The following ZNRF3 variants were observed in gnomAD, a reference collection of about 807,000 sequenced individuals.
ZNRF3 encodes E3 ubiquitin-protein ligase ZNRF3.
Under a neutral mutation model 72.5 loss-of-function variants are expected in ZNRF3, and 23 were observed. The ratio of observed to expected loss-of-function variants is 0.32; its 90% CI spans 0.23 to 0.45. The LOEUF (loss-of-function observed/expected upper bound fraction) is 0.45. Among genes scored for constraint, ZNRF3 ranks in the 20% least tolerant of loss-of-function variants. The probability of loss-of-function intolerance (pLI) is 1.00; values close to 1 mark genes in which losing one functional copy is unlikely to be tolerated. For synonymous variants in ZNRF3, 610 were observed against 545.3 expected (o/e 1.12, Z -1.65); for missense variants, 1,169 against 1,272.1 (o/e 0.92, Z 1.23).
At chr22:28,937,215 A>ATATATATTTTTT (rs1384534826) in intron 1 of ZNRF3, among the ~76,000 whole-genome samples, 2 of 8,852 alleles carry the variant, frequency 2.3e-4, no homozygotes, top group African/African-American at 5.3e-4. Context: ...ATATATATAT[A>ATATATATTTTTT]TTTTTTTTTT....
chr22:28,995,656 G>A (rs999620804), intron 2 of ZNRF3, among the ~76,000 whole-genome samples: 7 of 152,116 alleles, frequency 4.6e-5, no homozygotes, highest in African/African-American at 1.7e-4. Flanking sequence ...TCTGATGAAA[G>A]TCAAAGCTCG....
intron 1 of ZNRF3, among the ~76,000 whole-genome samples, chr22:28,901,750 C>T (rs966835155): frequency 6.8e-6 from 1 of 146,730 alleles, no homozygotes; most frequent in South Asian, 2.1e-4. Context: ...AAGCGATTCT[C>T]CTGCTTCAGT....
At chr22:29,004,767 G>A (rs891383595) in intron 2 of ZNRF3, among the ~76,000 whole-genome samples, 1 of 152,196 alleles carries the variant, frequency 6.6e-6, no homozygotes, top group Non-Finnish European at 1.5e-5. Context: ...TGCAGTGGCG[G>A]CTCCTTTGAT....
rs2037315171 is a variant in ZNRF3, at chr22:29,057,186, G to A, written c.*3564G>A. The A allele has an allele frequency of 6.6e-6, 1 of 152,138 alleles. No individual in the cohort carries two copies. The highest frequency in any genetic ancestry group is 1.5e-5 in the Non-Finnish European group (1 of 68,020). The allele number at this position is 152,138 out of a possible 1,614,324, so 9.4% of individuals were successfully genotyped here. On this transcript the variant is annotated 3_prime_UTR_variant, in exon 9 of 9. Coordinates refer to ENST00000544604, the MANE Select transcript of ZNRF3 (RefSeq NM_001206998.2). Reference sequence around the variant, plus strand: ...TTAAAAAATGTTTTAAAAGCTAGAAGACAACTTATGTATATTCTGTATATG... The same window carrying A: ...TTAAAAAATGTTTTAAAAGCTAGAAAACAACTTATGTATATTCTGTATATG...
intron 1 of ZNRF3, among the ~76,000 whole-genome samples, chr22:28,980,311 G>A (rs2035743504): frequency 6.6e-6 from 1 of 152,142 alleles, no homozygotes; most frequent in Non-Finnish European, 1.5e-5. Flanking sequence ...TAAAAGCCCA[G>A]ATTTCCCCAC....
chr22:28,981,382 A>T (rs896671995), intron 1 of ZNRF3, among the ~76,000 whole-genome samples: 1 of 152,170 alleles, frequency 6.6e-6, no homozygotes, highest in African/African-American at 2.4e-5. Flanking sequence ...ATTGAGATGC[A>T]GTCTTGCTAT....
At chr22:28,994,673 C>A (rs2036018911) in intron 2 of ZNRF3, among the ~76,000 whole-genome samples, 1 of 151,978 alleles carries the variant, frequency 6.6e-6, no homozygotes, top group South Asian at 2.1e-4. Context: ...TGGATGACAG[C>A]GTGAATATGC....
chr22:28,972,716 C>T (rs971604093), intron 1 of ZNRF3, among the ~76,000 whole-genome samples: 4 of 152,340 alleles, frequency 2.6e-5, no homozygotes, highest in East Asian at 1.9e-4. Flanking sequence ...CTCCATTCTG[C>T]GTTGCCATCA....
chr22:29,005,867 C>A (rs1265511641), intron 2 of ZNRF3, among the ~76,000 whole-genome samples: 2 of 152,076 alleles, frequency 1.3e-5, no homozygotes, highest in Non-Finnish European at 2.9e-5. Context: ...GAAACCCCGT[C>A]TCTACTAACA....
Position 29,056,090 on chromosome 22 carries a change from A to G in ZNRF3, c.*2468A>G, listed in dbSNP as rs185247029. ...ATGCAATTTTAAAACCTTAAATACCAAATACCAACCATTGCCTTTTTTTTT... is the reference window on the plus strand; with the variant it reads ...ATGCAATTTTAAAACCTTAAATACCGAATACCAACCATTGCCTTTTTTTTT... On this transcript the variant is annotated 3_prime_UTR_variant, in exon 9 of 9. Coordinates refer to ENST00000544604, the MANE Select transcript of ZNRF3 (RefSeq NM_001206998.2). The G allele has an allele frequency of 4.1e-5, 6 of 145,182 alleles. No homozygotes were observed. The highest frequency in any genetic ancestry group is 1.6e-4 in the African/African-American group (6 of 38,198). 9.0% of individuals were successfully genotyped at this position (145,182 alleles called of 1,614,324 possible). A position where few individuals can be genotyped will look rare whatever the true frequency, so the allele number is the denominator to read the frequency against.
intron 1 of ZNRF3, among the ~76,000 whole-genome samples, chr22:28,933,175 A>C (rs1400328163): frequency 6.6e-6 from 1 of 152,162 alleles, no homozygotes; most frequent in Non-Finnish European, 1.5e-5. Flanking sequence ...CATTCTTCTC[A>C]ATTATATCCC....
Position 29,049,909 on chromosome 22 carries a change from C to A in ZNRF3, c.1728C>A (p.Asn576Lys). Residue 576 changes from asparagine (N) to lysine (K), a missense_variant, in exon 8 of 9, where the codon AAC (asparagine) becomes AAA (lysine). Physicochemically the swap from Asn to Lys is moderately conservative, Grantham distance 94. Coordinates refer to ENST00000544604, the MANE Select transcript of ZNRF3 (RefSeq NM_001206998.2). This position sits in a 1 kb window ranked among gnomAD's most constrained non-coding sequence, Gnocchi z 5.2. ...DSVVDCTEVS[N>K]QGVYGSCSTF... ...TGGTAGACTGCACTGAGGTCAGCAA[C>A]CAGGGCGTGTACGGGAGCTGCTCCA... 6.2e-7 allele frequency: 1 copy of A among 1,603,654 alleles called. No individual in the cohort carries two copies. The highest frequency in any genetic ancestry group is 1.1e-5 in the South Asian group (1 of 89,770).
chr22:29,043,040 T>C (rs1385463145), intron 3 of ZNRF3, among the ~76,000 whole-genome samples: 3 of 152,034 alleles, frequency 2.0e-5, no homozygotes, highest in Admixed American at 6.5e-5. Flanking sequence ...CCCAAAGTGC[T>C]GGGATTATAG....
chr22:29,005,170 G>A (rs2036219199), intron 2 of ZNRF3, among the ~76,000 whole-genome samples: 1 of 152,206 alleles, frequency 6.6e-6, no homozygotes, highest in Non-Finnish European at 1.5e-5. Flanking sequence ...CCCAGCACTC[G>A]CTGCTGCCTG....
rs894350023 is a variant in ZNRF3 at position 29,055,969 on chromosome 22, A to G, written c.*2347A>G. On this transcript the variant is annotated 3_prime_UTR_variant, in exon 9 of 9. Transcript: ENST00000544604. ...ATGTGGCTTCAACTGGGCTTATTAA[A>G]GTAAGTGTGTCTAGTTTTCACTTGA... 1.3e-5 allele frequency: 2 copies of G among 152,230 alleles called. No homozygotes were observed. Among genetic ancestry groups the G allele is most frequent in the African/African-American group, 4.8e-5 (2 of 41,458 alleles). The allele number at this position is 152,230 out of a possible 1,614,324, so 9.4% of individuals were successfully genotyped here. A position where few individuals can be genotyped will look rare whatever the true frequency, so the allele number is the denominator to read the frequency against.
chr22:29,016,474 A>G (rs926954868), intron 2 of ZNRF3, among the ~76,000 whole-genome samples: 1 of 152,204 alleles, frequency 6.6e-6, no homozygotes, highest in Non-Finnish European at 1.5e-5. Context: ...TAGTCAAGAA[A>G]GCCTGAATGA....
At chr22:28,996,198 C>T (rs552424652) in intron 2 of ZNRF3, among the ~76,000 whole-genome samples, 1 of 152,372 alleles carries the variant, frequency 6.6e-6, no homozygotes, top group South Asian at 2.1e-4. Context: ...CTTAGCCTCC[C>T]AAAGTGCTGG....
intron 1 of ZNRF3, among the ~76,000 whole-genome samples, chr22:28,933,036 C>T (rs569454839): frequency 6.6e-6 from 1 of 152,306 alleles, no homozygotes; most frequent in Non-Finnish European, 1.5e-5. Flanking sequence ...TGTGTTCCAC[C>T]TATGATAGTG....
intron 2 of ZNRF3, among the ~76,000 whole-genome samples, chr22:29,007,752 CTT>C (rs943507617): frequency 2.3e-5 from 1 of 43,672 alleles, no homozygotes; most frequent in Non-Finnish European, 5.3e-5. Context: ...CCATTTCTTC[CTT>C]TTTTTTTTTT....
Sources: allele counts gnomAD v4.1 joint callset (sites outside exome capture counted in the v4.1 genomes callset), GRCh38; gene constraint gnomAD v4.1.1; non-coding constraint Gnocchi (gnomAD v3.1); transcripts MANE v1.5; gene names NCBI Gene and HGNC (gene_info 2026-07-23, HGNC 2026-07-21).